The following FGF14 variants were observed in gnomAD, a reference collection of about 807,000 sequenced individuals.
FGF14 encodes fibroblast growth factor 14, also known as fibroblast growth factor homologous factor 4.
Under a neutral mutation model 25.5 loss-of-function variants are expected in FGF14, and 5 were observed. That is an observed-to-expected ratio of 0.20 (90% CI 0.10 to 0.41). The LOEUF (loss-of-function observed/expected upper bound fraction) is 0.41. FGF14 is among the 10% of genes least tolerant of loss of function. The pLI is 1.00. For missense variants in FGF14, 222 were observed against 320.1 expected, an observed-to-expected ratio of 0.69 and a Z score of 2.34; for synonymous variants, 138 against 118.3, an observed-to-expected ratio of 1.17 and a Z score of -1.08.
rs545045288 is a variant in FGF14 at position 101,813,612 on chromosome 13, C to G, written c.408+55113G>C. ...AGGTATTTTGTTATAGTAGCACAAA[C>G]AGATGCAGACAGTCACCATTTACAA... On this transcript the variant is annotated intron_variant, in intron 3 of 4. Coordinates refer to ENST00000376143, the MANE Select transcript of FGF14 (RefSeq NM_004115.4). Among the ~76,000 whole-genome samples the G allele has an allele frequency of 8.6e-4, 131 of 152,306 alleles. 1 individual carries two copies. Among genetic ancestry groups the G allele is most frequent in the African/African-American group, 2.9e-3 (121 of 41,554 alleles).
intron 1 of FGF14, among the ~76,000 whole-genome samples, chr13:101,980,996 C>T (rs2038214590): frequency 6.6e-6 from 1 of 151,328 alleles, no homozygotes; most frequent in South Asian, 2.1e-4. Context: ...AATCCTAAGA[C>T]TTTGGGAGGC....
intron 1 of FGF14, among the ~76,000 whole-genome samples, chr13:102,198,341 C>T (rs945106789): frequency 6.6e-6 from 1 of 152,212 alleles, no homozygotes; most frequent in African/African-American, 2.4e-5. Context: ...CTGTAGAATT[C>T]TCAGACAAAT....
At chr13:101,741,562 A>G (rs2036558313) in intron 3 of FGF14, among the ~76,000 whole-genome samples, 3 of 152,150 alleles carry the variant, frequency 2.0e-5, no homozygotes, top group Admixed American at 2.0e-4. Context: ...TACTGATGTC[A>G]ACGGCAAATC....
At chr13:102,166,565 T>C (rs192915362) in intron 1 of FGF14, among the ~76,000 whole-genome samples, 35 of 152,156 alleles carry the variant, frequency 2.3e-4, no homozygotes, top group African/African-American at 6.0e-4. Context: ...GTTTTTGGAG[T>C]TGGTGATGTT....
At chr13:102,047,607 C>T (rs1361478511) in intron 1 of FGF14, among the ~76,000 whole-genome samples, 1 of 152,058 alleles carries the variant, frequency 6.6e-6, no homozygotes, top group Non-Finnish European at 1.5e-5. Flanking sequence ...CATATTCTCA[C>T]TCATAGGTGG....
intron 1 of FGF14, among the ~76,000 whole-genome samples, chr13:102,018,694 C>A (rs1456886299): frequency 2.0e-5 from 3 of 152,112 alleles, no homozygotes; most frequent in African/African-American, 7.2e-5. Context: ...CCATCGCCCT[C>A]CATCCCTGAG....
intron 3 of FGF14, among the ~76,000 whole-genome samples, chr13:101,812,157 G>A (rs1225628167): frequency 4.6e-5 from 7 of 152,072 alleles, no homozygotes; most frequent in Non-Finnish European, 7.4e-5. Context: ...CCCCATTAGA[G>A]TCATTCACAG....
intron 3 of FGF14, among the ~76,000 whole-genome samples, chr13:101,798,377 C>G (rs2040679721): frequency 6.6e-6 from 1 of 152,108 alleles, no homozygotes; most frequent in South Asian, 2.1e-4. Flanking sequence ...GGGTCTTTAT[C>G]TCAGCCTCTG....
intron 1 of FGF14, among the ~76,000 whole-genome samples, chr13:102,095,208 T>TG (rs1240852700): frequency 6.6e-6 from 1 of 152,100 alleles, no homozygotes; most frequent in Non-Finnish European, 1.5e-5. Context: ...TTGTGGATAT[T>TG]GGGGAAAAAA....
At chr13:101,803,650 T>C (rs2041029918) in intron 3 of FGF14, among the ~76,000 whole-genome samples, 2 of 152,092 alleles carry the variant, frequency 1.3e-5, no homozygotes, top group Admixed American at 1.3e-4. Context: ...TTTTAAAAAA[T>C]AAATGGTAGA....
chr13:102,078,474 ATAAG>A (rs752160927), intron 1 of FGF14, among the ~76,000 whole-genome samples: 18 of 152,232 alleles, frequency 1.2e-4, no homozygotes, highest in Non-Finnish European at 2.1e-4. Context: ...GGAAAGACTG[ATAAG>A]TAAAAGACTA....
intron 3 of FGF14, among the ~76,000 whole-genome samples, chr13:101,804,139 A>AC (rs1054489113): frequency 6.6e-6 from 1 of 152,112 alleles, no homozygotes; most frequent in African/African-American, 2.4e-5. Flanking sequence ...ATCTATGTCT[A>AC]CGGTTACTTC....
chr13:101,968,852 G>A (rs1259733546), intron 1 of FGF14, among the ~76,000 whole-genome samples: 2 of 111,340 alleles, frequency 1.8e-5, no homozygotes, highest in Admixed American at 1.1e-4. Flanking sequence ...TCCATCAACA[G>A]CCTTTTTTTT....
intron 1 of FGF14, among the ~76,000 whole-genome samples, chr13:102,164,161 A>G (rs1330933768): frequency 6.6e-6 from 1 of 152,170 alleles, no homozygotes; most frequent in East Asian, 1.9e-4. Context: ...TCACAATGCC[A>G]TAGGACCACA....
chr13:102,255,206 T>C (rs1190808186), intron 1 of FGF14, among the ~76,000 whole-genome samples: 1 of 152,166 alleles, frequency 6.6e-6, no homozygotes, highest in Non-Finnish European at 1.5e-5. Context: ...TGGCCACTTA[T>C]TCTGATTAAA....
chr13:102,090,069 T>C (rs1488739092), intron 1 of FGF14, among the ~76,000 whole-genome samples: 1 of 152,208 alleles, frequency 6.6e-6, no homozygotes. Context: ...ATGTGCAAAA[T>C]GGCTTTTTAG....
chr13:102,358,172 AAAT>A (rs1166743034), intron 1 of FGF14, among the ~76,000 whole-genome samples: 1 of 152,232 alleles, frequency 6.6e-6, no homozygotes, highest in Non-Finnish European at 1.5e-5. Flanking sequence ...GGTGTCCTCT[AAAT>A]AATGATTGCA....
chr13:102,121,386 T>C (rs2045718112), intron 1 of FGF14, among the ~76,000 whole-genome samples: 2 of 152,076 alleles, frequency 1.3e-5, no homozygotes, highest in African/African-American at 2.4e-5. Context: ...CCAGAAGAGA[T>C]GTGTACCTTA....
At chr13:102,311,466 T>C (rs2055762504) in intron 1 of FGF14, among the ~76,000 whole-genome samples, 1 of 152,152 alleles carries the variant, frequency 6.6e-6, no homozygotes, top group Non-Finnish European at 1.5e-5. Flanking sequence ...CAAGAGTCCA[T>C]CCTTCCCCAC....
Sources: allele counts gnomAD v4.1 joint callset (sites outside exome capture counted in the v4.1 genomes callset), GRCh38; gene constraint gnomAD v4.1.1; transcripts MANE v1.5; gene names NCBI Gene and HGNC (gene_info 2026-07-23, HGNC 2026-07-21).